ZNRF3: variants seen among roughly 807,000 people sequenced by gnomAD.
ZNRF3 encodes the protein E3 ubiquitin-protein ligase ZNRF3.
ZNRF3 carries 23 observed loss-of-function variants against 72.5 expected under a neutral mutation model. The ratio of observed to expected loss-of-function variants is 0.32; its 90% CI spans 0.23 to 0.45. The LOEUF (loss-of-function observed/expected upper bound fraction) is 0.45. Among genes scored for constraint, ZNRF3 ranks in the 20% least tolerant of loss-of-function variants. ZNRF3 has a pLI of 1.00. For synonymous variants in ZNRF3, 610 were observed against 545.3 expected (o/e 1.12, Z -1.65); for missense variants, 1,169 against 1,272.1 (o/e 0.92, Z 1.23).
chr22:28,925,167 G>C (rs565367054), intron 1 of ZNRF3, among the ~76,000 whole-genome samples: 2 of 152,286 alleles, frequency 1.3e-5, no homozygotes, highest in East Asian at 3.9e-4. Flanking sequence ...CTGCCAAACG[G>C]AGTCAGCTTG....
intron 3 of ZNRF3, among the ~76,000 whole-genome samples, chr22:29,042,921 C>T (rs532961137): frequency 3.3e-5 from 5 of 152,164 alleles, no homozygotes; most frequent in East Asian, 3.9e-4. Context: ...ATTATAGGCA[C>T]GAGCCACCAC....
At chr22:29,019,637 G>A (rs888510417) in intron 2 of ZNRF3, among the ~76,000 whole-genome samples, 4 of 152,070 alleles carry the variant, frequency 2.6e-5, no homozygotes, top group Admixed American at 2.0e-4. Context: ...TAACATCTTA[G>A]TGCCATGTTA....
intron 1 of ZNRF3, among the ~76,000 whole-genome samples, chr22:28,960,863 G>A (rs1457584412): frequency 6.6e-6 from 1 of 152,112 alleles, no homozygotes; most frequent in African/African-American, 2.4e-5. Flanking sequence ...TTCCCTGGCT[G>A]TTCTCAGTCA....
At chr22:29,047,888 G>C (rs1490068090) in intron 6 of ZNRF3, among the ~76,000 whole-genome samples, 1 of 152,176 alleles carries the variant, frequency 6.6e-6, no homozygotes, top group Non-Finnish European at 1.5e-5. Flanking sequence ...TCCAGTAAAG[G>C]AGGGGATAGC....
At chr22:29,038,123 C>T (rs1439371717) in intron 2 of ZNRF3, among the ~76,000 whole-genome samples, 1 of 152,150 alleles carries the variant, frequency 6.6e-6, no homozygotes, top group East Asian at 1.9e-4. Context: ...AAGTATGTGA[C>T]TTAAAGATCC....
chr22:28,903,264 G>A (rs1227480911), intron 1 of ZNRF3, among the ~76,000 whole-genome samples: 2 of 152,194 alleles, frequency 1.3e-5, no homozygotes, highest in Non-Finnish European at 2.9e-5. Context: ...ACAGCTGGAT[G>A]TGAACTCTTG....
chr22:29,053,547 C>T (rs780325530), intron 8 of ZNRF3, 32 bp from the exon 9 acceptor site: 2 of 1,612,254 alleles, frequency 1.2e-6, no homozygotes, highest in Admixed American at 1.7e-5. Flanking sequence ...TGCCAGCTCC[C>T]TCCCCTGATG....
chr22:29,004,043 A>G (rs1208992476), intron 2 of ZNRF3, among the ~76,000 whole-genome samples: 1 of 152,272 alleles, frequency 6.6e-6, no homozygotes, highest in East Asian at 1.9e-4. Context: ...GTAAGAAAAG[A>G]AGCATGCACC....
rs1288053666 is a variant in ZNRF3, at chr22:29,049,041, C to G, written c.1016-156C>G. Among the ~76,000 whole-genome samples the G allele has an allele frequency of 1.3e-5, 2 of 152,162 alleles. No homozygotes were observed. The highest frequency in any genetic ancestry group is 2.9e-5 in the Non-Finnish European group (2 of 68,018). On this transcript the variant is annotated intron_variant, in intron 7 of 8. Coordinates refer to ENST00000544604, the MANE Select transcript of ZNRF3 (RefSeq NM_001206998.2). This position sits in a 1 kb window ranked among gnomAD's most constrained non-coding sequence, Gnocchi z 5.2. ...CACAGACAGGCAGGTCAGCCTCTGCCGCTGCAGCTCAGTTTGGGGGCAGGG... is the reference window on the plus strand; with the variant it reads ...CACAGACAGGCAGGTCAGCCTCTGCGGCTGCAGCTCAGTTTGGGGGCAGGG...
At chr22:28,972,660 T>C (rs1362354453) in intron 1 of ZNRF3, among the ~76,000 whole-genome samples, 2 of 152,234 alleles carry the variant, frequency 1.3e-5, no homozygotes, top group Non-Finnish European at 1.5e-5. Flanking sequence ...GGTCACTCTA[T>C]GTTTAAGCCT....
chr22:28,900,178 G>A (rs531348212), intron 1 of ZNRF3, among the ~76,000 whole-genome samples: 41 of 152,188 alleles, frequency 2.7e-4, no homozygotes, highest in Non-Finnish European at 4.7e-4. Context: ...GGATAAATGG[G>A]GGACTCCTCC....
chr22:28,938,451 A>G (rs1448822181), intron 1 of ZNRF3, among the ~76,000 whole-genome samples: 3 of 152,208 alleles, frequency 2.0e-5, no homozygotes, highest in African/African-American at 7.2e-5. Flanking sequence ...TATTCTAGGC[A>G]CTGCCAAGCA....
intron 1 of ZNRF3, among the ~76,000 whole-genome samples, chr22:28,983,069 A>G (rs1481031705): frequency 6.6e-6 from 1 of 151,966 alleles, no homozygotes; most frequent in African/African-American, 2.4e-5. Flanking sequence ...TGGCTTCTTT[A>G]CCCTCCACAA....
intron 1 of ZNRF3, among the ~76,000 whole-genome samples, chr22:28,920,789 G>A (rs1440209507): frequency 6.6e-6 from 1 of 152,230 alleles, no homozygotes; most frequent in Non-Finnish European, 1.5e-5. Flanking sequence ...CGGGTAGCCT[G>A]TACCCCTTGG....
intron 1 of ZNRF3, among the ~76,000 whole-genome samples, chr22:28,977,680 C>T (rs1358619167): frequency 2.0e-5 from 3 of 152,138 alleles, no homozygotes; most frequent in African/African-American, 7.2e-5. Flanking sequence ...ATGTCTCGTC[C>T]TCCTATTAGT....
intron 1 of ZNRF3, among the ~76,000 whole-genome samples, chr22:28,900,101 C>G (rs1160211574): frequency 6.6e-6 from 1 of 152,136 alleles, no homozygotes; most frequent in East Asian, 1.9e-4. Context: ...GCCAACCTCC[C>G]TTGCCCTCTG....
chr22:28,958,733 C>A (rs1197007322), intron 1 of ZNRF3, among the ~76,000 whole-genome samples: 5 of 152,206 alleles, frequency 3.3e-5, no homozygotes, highest in Non-Finnish European at 7.4e-5. Context: ...CTCCTCCCCT[C>A]CTTGTGTACC....
chr22:29,016,716 A>G (rs77328828), intron 2 of ZNRF3, among the ~76,000 whole-genome samples: 1 of 152,374 alleles, frequency 6.6e-6, no homozygotes, highest in African/African-American at 2.4e-5. Context: ...GCTCCAGCTC[A>G]GAGAACTGGC....
intron 5 of ZNRF3, among the ~76,000 whole-genome samples, chr22:29,045,482 GT>G (rs2037050945): frequency 6.6e-6 from 1 of 151,982 alleles, no homozygotes; most frequent in South Asian, 2.1e-4. Context: ...CGAAGGAAGT[GT>G]TTATTTTATT....
Sources: gnomAD v4.1 joint callset for allele counts (sites outside exome capture counted in the v4.1 genomes callset) on GRCh38, gnomAD v4.1.1 for gene constraint, Gnocchi (gnomAD v3.1) non-coding constraint, MANE v1.5 for transcripts, NCBI Gene and HGNC (gene_info 2026-07-23, HGNC 2026-07-21) for gene names.